Variants in WASHC4 observed in about 807,000 individuals in gnomAD.
WASHC4 encodes WASH complex subunit 4.
A neutral mutation model predicts 166.6 loss-of-function variants in WASHC4; 86 were observed. The ratio of observed to expected loss-of-function variants is 0.52; its 90% CI spans 0.43 to 0.62. The LOEUF (loss-of-function observed/expected upper bound fraction) is 0.62, where lower values mean the gene tolerates loss of function less well. Ranked by LOEUF, WASHC4 falls within the 20% of genes least tolerant of loss-of-function variation. The pLI is 0.00. For missense variants in WASHC4, 1,262 were observed against 1,382.4 expected (o/e 0.91, Z 1.38); for synonymous variants, 446 against 451.6 (o/e 0.99, Z 0.16).
At chr12:105,134,871 A>C (rs1325202055) in intron 14 of WASHC4, among the ~76,000 whole-genome samples, 1 of 150,942 alleles carries the variant, frequency 6.6e-6, no homozygotes, top group African/African-American at 2.4e-5. Flanking sequence ...TATTTGTCTC[A>C]CTTGTTCTGT....
chr12:105,151,182 TC>T (rs1307257571), intron 25 of WASHC4, among the ~76,000 whole-genome samples: 2 of 149,798 alleles, frequency 1.3e-5, no homozygotes, highest in African/African-American at 4.9e-5. Flanking sequence ...AACGCCGTTT[TC>T]CTTTCACCTT....
In WASHC4 at chr12:105,125,780, T is replaced by G. The variant is rs763651015; in HGVS notation, c.787-224T>G. On this transcript the variant is annotated intron_variant, in intron 10 of 32. Transcript: ENST00000332180. ...AGGATTATAGATTTGGGTTCAATTT[T>G]ATTACTTTCACATAACTAGTACCCA... Among the ~76,000 whole-genome samples, 3 of 152,124 alleles carry G rather than the reference T, an allele frequency of 2.0e-5. No homozygotes were observed. In the East Asian group the frequency reaches 5.8e-4, roughly 29 times the overall value.
intron 24 of WASHC4, chr12:105,147,355 T>G: frequency 5.3e-6 from 3 of 561,566 alleles, no homozygotes; most frequent in Non-Finnish European, 6.3e-6. Flanking sequence ...CACTTTAGGG[T>G]AGATTACCAT....
intron 6 of WASHC4, among the ~76,000 whole-genome samples, chr12:105,116,630 T>A (rs1880209766): frequency 6.6e-6 from 1 of 152,178 alleles, no homozygotes; most frequent in Non-Finnish European, 1.5e-5. Context: ...TACAAAAAAA[T>A]GGGTTAGCTA....
In WASHC4 at chr12:105,126,349, A is replaced by G. The variant is rs1376266580; in HGVS notation, c.1025A>G (p.Asp342Gly). Residue 342 changes from aspartate to glycine, a missense_variant, in exon 12 of 33, where the codon GAC becomes GGC. By Grantham distance (94) the Asp-to-Gly change is moderately conservative (BLOSUM62 -1). Transcript: ENST00000332180. ...IDKKFYKSLL[D>G]ICKKVPAITL... ...AAAAAGTTTTATAAGTCTTTATTGG[A>G]CATTTGTAAGAAGGTAAGAACTTGA... 1 of 1,582,120 alleles carries G rather than the reference A, an allele frequency of 6.3e-7. No homozygotes were observed. Among genetic ancestry groups the G allele is most frequent in the East Asian group, 2.2e-5 (1 of 44,548 alleles).
Position 105,141,029 on chromosome 12 carries a change from G to A in WASHC4, c.1691G>A (p.Ser564Asn), listed in dbSNP as rs770399701. Residue 564 changes from serine to asparagine, a missense_variant, in exon 17 of 33, where the codon AGT (serine) becomes AAT (asparagine). Coordinates refer to ENST00000332180, the MANE Select transcript of WASHC4 (RefSeq NM_015275.3). The part of the protein sequence containing the change: ...QRRLIVSLAL[S>N]VGTQMKTFKD... Reference sequence around the variant, plus strand: ...CGACTTATTGTTTCTTTGGCACTAAGTGTTGGCACACAAATGGTAAGTGTA... The same window carrying A: ...CGACTTATTGTTTCTTTGGCACTAAATGTTGGCACACAAATGGTAAGTGTA... 1 of 1,614,166 alleles carries A rather than the reference G, an allele frequency of 6.2e-7. No individual in the cohort carries two copies. The highest frequency in any genetic ancestry group is 8.5e-7 in the Non-Finnish European group (1 of 1,180,018).
At chr12:105,157,069 A>G (rs1161997608) in intron 27 of WASHC4, among the ~76,000 whole-genome samples, 167 bp from the exon 28 acceptor site, 6 of 152,232 alleles carry the variant, frequency 3.9e-5, no homozygotes, top group Admixed American at 2.6e-4. Flanking sequence ...CATATCTAAA[A>G]TTCAATTTGG....
At chr12:105,124,250 G>A (rs1370010427) in intron 10 of WASHC4, among the ~76,000 whole-genome samples, 1 of 151,398 alleles carries the variant, frequency 6.6e-6, no homozygotes, top group East Asian at 1.9e-4. Flanking sequence ...CTCCCGAGTA[G>A]CTGGGATTAA....
rs553321532 is a variant in WASHC4 at position 105,107,742 on chromosome 12, T to G, written c.-59T>G. 6 of 1,277,038 alleles carry G rather than the reference T, an allele frequency of 4.7e-6. No individual in the cohort carries two copies. The highest frequency in any genetic ancestry group is 6.6e-6 in the Non-Finnish European group (6 of 903,228). The allele number at this position is 1,277,038 out of a possible 1,614,324, so 79.1% of individuals were successfully genotyped here. On this transcript the variant is annotated 5_prime_UTR_variant, in exon 1 of 33. Transcript: ENST00000332180. ...TCACGTGCTGTGACAGTAGCTGGGG[T>G]GAGGCCGTCGTCGCCGCACGGGCTG...
chr12:105,137,082 C>G (rs142192300), intron 14 of WASHC4, among the ~76,000 whole-genome samples: 4 of 152,278 alleles, frequency 2.6e-5, no homozygotes, highest in Admixed American at 6.5e-5. Context: ...CTTTTGGGAA[C>G]TTTATAGACC....
intron 24 of WASHC4, chr12:105,149,294 G>C: frequency 1.0e-6 from 1 of 985,348 alleles, no homozygotes; most frequent in South Asian, 4.7e-5. Flanking sequence ...CTGGACCATG[G>C]CTTAAAAACT....
intron 13 of WASHC4, among the ~76,000 whole-genome samples, chr12:105,132,611 T>G (rs1465959324): frequency 1.3e-5 from 2 of 152,232 alleles, no homozygotes; most frequent in Admixed American, 6.5e-5. Flanking sequence ...TAGAGAGAAT[T>G]ACATTTTGTA....
At chr12:105,121,275 A>G in intron 9 of WASHC4, 71 bp downstream of exon 9, 1 of 901,034 alleles carries the variant, frequency 1.1e-6, no homozygotes, top group Non-Finnish European at 1.8e-6. Flanking sequence ...AAAAGTAAAC[A>G]GATATAAATA....
chr12:105,107,822 C>T lies in WASHC4; in HGVS notation c.22C>T (p.Pro8Ser). Residue 8 changes from proline to serine, a missense_variant, in exon 1 of 33, where the codon CCG (proline) becomes TCG (serine). Pro to Ser is a moderately conservative substitution (Grantham distance 74). Coordinates refer to ENST00000332180, the MANE Select transcript of WASHC4 (RefSeq NM_015275.3). ...GGTGATGGCGGTGGAGACTCTGTCC[C>T]CGGACTGGGAGTTTGACCGCGTTGA... Reference protein sequence around the residue: MAVETLSPDWEFDRVDDG... With the variant: MAVETLSSDWEFDRVDDG... 1 of 1,551,088 alleles carries T rather than the reference C, an allele frequency of 6.4e-7. No individual in the cohort carries two copies. Among genetic ancestry groups the T allele is most frequent in the Non-Finnish European group, 8.7e-7 (1 of 1,146,644 alleles).
intron 28 of WASHC4, among the ~76,000 whole-genome samples, chr12:105,158,972 C>G (rs1884331917): frequency 6.6e-6 from 1 of 152,100 alleles, no homozygotes; most frequent in East Asian, 1.9e-4. Flanking sequence ...TGGGAAAATG[C>G]ATGCATTTCT....
Position 105,107,762 on chromosome 12 carries a change from G to T in WASHC4, c.-39G>T, listed in dbSNP as rs760635232. On this transcript the variant is annotated 5_prime_UTR_variant, in exon 1 of 33. Transcript: ENST00000332180. ...TGGGGTGAGGCCGTCGTCGCCGCAC[G>T]GGCTGGTTGGGGCTGTGTCTGTGGG... is the stretch of plus-strand genomic sequence containing the variant. 6 of 1,492,186 alleles carry T rather than the reference G, an allele frequency of 4.0e-6. No homozygotes were observed. Among genetic ancestry groups the T allele is most frequent in the African/African-American group, 1.4e-5 (1 of 71,464 alleles). The allele number at this position is 1,492,186 out of a possible 1,614,324, so 92.4% of individuals were successfully genotyped here.
At chr12:105,136,288 A>G (rs1882312075) in intron 14 of WASHC4, among the ~76,000 whole-genome samples, 1 of 152,102 alleles carries the variant, frequency 6.6e-6, no homozygotes, top group Non-Finnish European at 1.5e-5. Context: ...TTTAAGGCAG[A>G]TGATTTAAGA....
At chr12:105,114,308 T>G (rs1282943976) in intron 3 of WASHC4, 39 bp downstream of exon 3, 31 of 1,599,496 alleles carry the variant, frequency 1.9e-5, no homozygotes, top group Non-Finnish European at 2.7e-5. Context: ...TTTAAAAATG[T>G]TTTAGTTATC....
At chr12:105,160,492 G>A (rs1413361377) in intron 29 of WASHC4, among the ~76,000 whole-genome samples, 2 of 151,842 alleles carry the variant, frequency 1.3e-5, no homozygotes, top group Admixed American at 6.6e-5. Context: ...GACTACAGGT[G>A]TGCACCACCA....
Sources: allele counts gnomAD v4.1 joint callset (sites outside exome capture counted in the v4.1 genomes callset), GRCh38; gene constraint gnomAD v4.1.1; transcripts MANE v1.5; gene names NCBI Gene and HGNC (gene_info 2026-07-23, HGNC 2026-07-21).